Variants in SCN2B observed in about 807,000 individuals in gnomAD.
SCN2B encodes the protein sodium voltage-gated channel beta subunit 2, also known as sodium channel regulatory subunit beta-2.
A neutral mutation model predicts 18.2 loss-of-function variants in SCN2B; 14 were observed. The observed-to-expected ratio is 0.77, with a 90% CI of 0.51 to 1.21. The LOEUF is 1.21. SCN2B is among the 50% of genes most tolerant of loss of function. The pLI is 0.00. For synonymous variants in SCN2B, 115 were observed against 115.3 expected (o/e 1.00, Z 0.02); for missense variants, 262 against 286.9 (o/e 0.91, Z 0.63).
chr11:118,171,169 T>C (rs921068819), intron 1 of SCN2B, among the ~76,000 whole-genome samples: 15 of 152,254 alleles, frequency 9.9e-5, no homozygotes, highest in Admixed American at 8.5e-4. Flanking sequence ...TTCTCCAAGC[T>C]GGGAGACAGC....
chr11:118,168,279 A>T lies in SCN2B; in HGVS notation c.254T>A (p.Met85Lys). 6.2e-7 allele frequency: 1 copy of T among 1,614,128 alleles called. No individual in the cohort carries two copies. The highest frequency in any genetic ancestry group is 1.1e-5 in the South Asian group (1 of 91,082). Reference sequence around the variant, plus strand: ...CTCCAGCTTCAGGTTAATGATCTTCATGCGGAACTGGAGGAACTGGGGTTG... The same window carrying T: ...CTCCAGCTTCAGGTTAATGATCTTCTTGCGGAACTGGAGGAACTGGGGTTG... ...CSEEMFLQFR[M>K]KIINLKLERF... Residue 85 changes from methionine (M) to lysine (K), a missense_variant, in exon 3 of 4, where the codon ATG becomes AAG. Met to Lys is a moderately conservative substitution (Grantham distance 95). Transcript: ENST00000278947. The surrounding 1 kb of genome is among the most constrained non-coding windows in gnomAD (Gnocchi z 4.7).
At position 118,166,901 on chromosome 11, in the gene SCN2B, C is replaced by T. The variant is rs762546637; in HGVS notation, c.634G>A (p.Asp212Asn). ...GKTDGEGNPD[D>N]GAK ...CCGGCCACCCACTACTTGGCGCCAT[C>T]ATCCGGGTTGCCTTCACCGTCCGTC... is the stretch of plus-strand genomic sequence containing the variant. The change falls in exon 4 of 4, where the codon GAT becomes AAT. Residue 212 changes from aspartate (D) to asparagine (N), a missense_variant. Physicochemically the swap from Asp to Asn is conservative, Grantham distance 23. Coordinates refer to ENST00000278947, the MANE Select transcript of SCN2B (RefSeq NM_004588.5). 1.2e-6 allele frequency: 2 copies of T among 1,613,964 alleles called. No homozygotes were observed. Among genetic ancestry groups the T allele is most frequent in the African/African-American group, 2.7e-5 (2 of 74,916 alleles).
intron 1 of SCN2B, among the ~76,000 whole-genome samples, chr11:118,172,458 C>G (rs576782857): frequency 6.6e-6 from 1 of 152,324 alleles, no homozygotes; most frequent in East Asian, 1.9e-4. Flanking sequence ...GAAGTGAGCC[C>G]CATTCCAAGG....
chr11:118,166,881 C>T lies in SCN2B; in HGVS notation c.*6G>A, dbSNP rs1357240858. 2.5e-6 allele frequency: 4 copies of T among 1,613,714 alleles called. No individual in the cohort carries two copies. The East Asian group carries it at 6.7e-5, about 27-fold the overall frequency. On this transcript the variant is annotated 3_prime_UTR_variant, in exon 4 of 4. Coordinates refer to ENST00000278947, the MANE Select transcript of SCN2B (RefSeq NM_004588.5). ...GGACACGGGAGGCTGCAGGGCCGGC[C>T]ACCCACTACTTGGCGCCATCATCCG...
chr11:118,166,003 A>G lies in SCN2B; in HGVS notation c.*884T>C, dbSNP rs1298191231. 6.6e-6 allele frequency: 1 copy of G among 152,238 alleles called. No individual in the cohort carries two copies. Among genetic ancestry groups the G allele is most frequent in the African/African-American group, 2.4e-5 (1 of 41,424 alleles). The allele number at this position is 152,238 out of a possible 1,614,324, so 9.4% of individuals were successfully genotyped here. ...GCCCCACCCTGTGCATGGCCTCCTC[A>G]TTTCCCAGCCTTGGCTGCCCCTGCC... is the stretch of plus-strand genomic sequence containing the variant. On this transcript the variant is annotated 3_prime_UTR_variant, in exon 4 of 4. Transcript: ENST00000278947.
Position 118,168,135 on chromosome 11 carries a change from G to A in SCN2B, c.398C>T (p.Pro133Leu). Residue 133 changes from proline to leucine, a missense_variant, in exon 3 of 4, where the codon CCT becomes CTT. Coordinates refer to ENST00000278947, the MANE Select transcript of SCN2B (RefSeq NM_004588.5). This position sits in a 1 kb window ranked among gnomAD's most constrained non-coding sequence, Gnocchi z 4.7. ...GIYNCYIMNP[P>L]DRHRGHGKIH... ...CTTGCCATGGCCACGGTGGCGGTCA[G>A]GGGGGTTCATGATGTAGCAGTTGTA... 1 of 1,614,046 alleles carries A rather than the reference G, an allele frequency of 6.2e-7. No individual in the cohort carries two copies. The highest frequency in any genetic ancestry group is 8.5e-7 in the Non-Finnish European group (1 of 1,179,938).
intron 1 of SCN2B, among the ~76,000 whole-genome samples, chr11:118,170,590 T>C (rs1008274991): frequency 1.3e-5 from 2 of 152,078 alleles, no homozygotes; most frequent in African/African-American, 2.4e-5. Context: ...GTATGGGGGC[T>C]GCTGGGAGGC....
At chr11:118,174,526 A>T (rs1948454835) in intron 1 of SCN2B, among the ~76,000 whole-genome samples, 2 of 151,804 alleles carry the variant, frequency 1.3e-5, no homozygotes, top group African/African-American at 4.8e-5. Flanking sequence ...CTGCAACACC[A>T]CCAAAGTTCC....
At chr11:118,169,323 AC>A (rs759248476) in intron 1 of SCN2B, among the ~76,000 whole-genome samples, 41 of 152,150 alleles carry the variant, frequency 2.7e-4, no homozygotes, top group Non-Finnish European at 4.6e-4. Context: ...CCAGCAGAAG[AC>A]CACAGACAAG....
intron 1 of SCN2B, among the ~76,000 whole-genome samples, chr11:118,169,900 T>C (rs1000159052): frequency 3.3e-5 from 5 of 152,114 alleles, no homozygotes; most frequent in Non-Finnish European, 7.4e-5. Flanking sequence ...CACTGCCTGG[T>C]CATGGAAATA....
chr11:118,169,754 TTAGGA>T (rs1232218410), intron 1 of SCN2B, among the ~76,000 whole-genome samples: 127 of 152,128 alleles, frequency 8.3e-4, no homozygotes, highest in African/African-American at 2.8e-3. Flanking sequence ...CAGAGTCCTA[TTAGGA>T]ACACCAGACT....
chr11:118,169,095 C>G (rs1393197613), intron 1 of SCN2B, among the ~76,000 whole-genome samples: 1 of 152,094 alleles, frequency 6.6e-6, no homozygotes, highest in Non-Finnish European at 1.5e-5. Flanking sequence ...ACTCAGCCTC[C>G]CCAGTCCATA....
chr11:118,168,059 C>G lies in SCN2B; in HGVS notation c.448+26G>C. 6.3e-7 allele frequency: 1 copy of G among 1,598,842 alleles called. No individual in the cohort carries two copies. The highest frequency in any genetic ancestry group is 8.6e-7 in the Non-Finnish European group (1 of 1,169,532). On this transcript the variant is annotated intron_variant, in intron 3 of 3. Coordinates refer to ENST00000278947, the MANE Select transcript of SCN2B (RefSeq NM_004588.5). This position sits in a 1 kb window ranked among gnomAD's most constrained non-coding sequence, Gnocchi z 4.7. Reference sequence around the variant, plus strand: ...GTAGGTGGGTGGGAAAGGTCAGGGCCCCGCAGCTGGCACCCCAGCCTTCAC... The same window carrying G: ...GTAGGTGGGTGGGAAAGGTCAGGGCGCCGCAGCTGGCACCCCAGCCTTCAC...
At chr11:118,173,647 G>C (rs1340746513) in intron 1 of SCN2B, among the ~76,000 whole-genome samples, 1 of 152,216 alleles carries the variant, frequency 6.6e-6, no homozygotes, top group Admixed American at 6.5e-5. Flanking sequence ...CGACTATGAT[G>C]AGCATTATTG....
At chr11:118,174,547 C>T (rs916957753) in intron 1 of SCN2B, among the ~76,000 whole-genome samples, 4 of 152,124 alleles carry the variant, frequency 2.6e-5, no homozygotes, top group East Asian at 1.9e-4. Context: ...ACTGTCAACT[C>T]GGCCCTCAGC....
rs924827343 is a variant in SCN2B, at chr11:118,164,951, C to T, written c.*1936G>A. Reference sequence around the variant, plus strand: ...TCCTGTCTCCACCCCCTTTCCTAGACTTATTCCCTACCCTGGGCACCTGAC... The same window carrying T: ...TCCTGTCTCCACCCCCTTTCCTAGATTTATTCCCTACCCTGGGCACCTGAC... On this transcript the variant is annotated 3_prime_UTR_variant, in exon 4 of 4. Coordinates refer to ENST00000278947, the MANE Select transcript of SCN2B (RefSeq NM_004588.5). The T allele has an allele frequency of 6.5e-6, 1 of 152,740 alleles. No individual in the cohort carries two copies. The highest frequency in any genetic ancestry group is 1.5e-5 in the Non-Finnish European group (1 of 68,086). The allele number at this position is 152,740 out of a possible 1,614,324, so 9.5% of individuals were successfully genotyped here.
At chr11:118,175,149 T>C (rs1258234443) in intron 1 of SCN2B, among the ~76,000 whole-genome samples, 1 of 152,210 alleles carries the variant, frequency 6.6e-6, no homozygotes, top group Non-Finnish European at 1.5e-5. Flanking sequence ...AAAGCATTCT[T>C]ATGTTAGCCA....
intron 1 of SCN2B, among the ~76,000 whole-genome samples, chr11:118,171,891 G>A (rs76248354): frequency 0.038 from 5,774 of 152,310 alleles, 139 homozygotes; most frequent in Middle Eastern, 0.082. Flanking sequence ...ATCAGAAACC[G>A]TAGATCTAGC....
chr11:118,168,506 G>C lies in SCN2B; in HGVS notation c.237+79C>G. ...CTCTGGGGCCCTAGCGCAGTGCCGG[G>C]GCCGGTGGTGGGACCAGGGGCTTCA... On this transcript the variant is annotated intron_variant, in intron 2 of 3. Transcript: ENST00000278947. This position sits in a 1 kb window ranked among gnomAD's most constrained non-coding sequence, Gnocchi z 4.7. The C allele has an allele frequency of 6.3e-7, 1 of 1,584,190 alleles. No individual in the cohort carries two copies. Among genetic ancestry groups the C allele is most frequent in the Non-Finnish European group, 8.7e-7 (1 of 1,154,314 alleles).
Sources: gnomAD v4.1 joint callset for allele counts (sites outside exome capture counted in the v4.1 genomes callset) on GRCh38, gnomAD v4.1.1 for gene constraint, Gnocchi (gnomAD v3.1) non-coding constraint, MANE v1.5 for transcripts, NCBI Gene and HGNC (gene_info 2026-07-23, HGNC 2026-07-21) for gene names.